Variants in TMEM150C observed in about 807,000 individuals in gnomAD.
TMEM150C encodes transmembrane protein 150C.
A neutral mutation model predicts 29.9 loss-of-function variants in TMEM150C; 10 were observed. The observed-to-expected ratio is 0.33, with a 90% CI of 0.21 to 0.57. The LOEUF is 0.57. TMEM150C is among the 20% of genes least tolerant of loss of function. The probability of loss-of-function intolerance (pLI) is 0.88; values close to 1 mark genes in which losing one functional copy is unlikely to be tolerated. For missense variants in TMEM150C, 251 were observed against 303.6 expected (o/e 0.83, Z 1.29); for synonymous variants, 101 against 112.5 (o/e 0.90, Z 0.64).
Position 82,490,068 on chromosome 4 carries a change from C to G in TMEM150C, c.534G>C (p.Val178=), listed in dbSNP as rs754780051. 6.2e-7 allele frequency: 1 copy of G among 1,613,784 alleles called. No individual in the cohort carries two copies. The change falls in exon 7 of 8, where the codon GTG becomes GTC. Residue 178 remains valine (V), a synonymous_variant. Transcript: ENST00000449862. ...TTCACGTTCAAAGGATACAGAGGACCACACAGAGAGTGATAGATGCCGACA... is the reference window on the plus strand; with the variant it reads ...TTCACGTTCAAAGGATACAGAGGACGACACAGAGAGTGATAGATGCCGACA... ...VILSASITLC[V]VLYFILMAQS... is the part of the protein sequence containing the mutation.
intron 7 of TMEM150C, 49 bp from the exon 8 acceptor site, chr4:82,485,768 T>C (rs962186241): frequency 4.0e-6 from 6 of 1,512,694 alleles, no homozygotes; most frequent in African/African-American, 1.4e-5. Context: ...ACATTAAAAC[T>C]GGAATCTTTT....
At chr4:82,490,285 AAGAC>A (rs1474161538) in intron 6 of TMEM150C, 47 bp from the exon 7 acceptor site, 1 of 1,545,464 alleles carries the variant, frequency 6.5e-7, no homozygotes, top group Non-Finnish European at 8.9e-7. Flanking sequence ...TTCAGCAAAG[AAGAC>A]AGGCAAGTTG....
intron 6 of TMEM150C, chr4:82,495,617 G>A: frequency 2.9e-6 from 1 of 347,600 alleles, no homozygotes; most frequent in South Asian, 2.6e-5. Context: ...TCTTTCTCCA[G>A]CTTTCCTTGG....
At chr4:82,534,982 C>T (rs1724961746) in intron 1 of TMEM150C, among the ~76,000 whole-genome samples, 1 of 152,156 alleles carries the variant, frequency 6.6e-6, no homozygotes, top group African/African-American at 2.4e-5. Flanking sequence ...ATAAACAGCA[C>T]CAAGACAGAC....
intron 6 of TMEM150C, among the ~76,000 whole-genome samples, chr4:82,491,868 T>G (rs1415547329): frequency 6.6e-6 from 1 of 151,744 alleles, no homozygotes; most frequent in African/African-American, 2.4e-5. Flanking sequence ...CACAGACAAC[T>G]AAAACCCTTT....
At chr4:82,507,910 C>T (rs1201311427) in intron 1 of TMEM150C, among the ~76,000 whole-genome samples, 1 of 151,700 alleles carries the variant, frequency 6.6e-6, no homozygotes, top group Admixed American at 6.6e-5. Context: ...CCACACCTGG[C>T]TAATTTTTTG....
chr4:82,485,473 T>C lies in TMEM150C; in HGVS notation c.*38A>G. On this transcript the variant is annotated 3_prime_UTR_variant, in exon 8 of 8. Coordinates refer to ENST00000449862, the MANE Select transcript of TMEM150C (RefSeq NM_001080506.3). ...TGTGTCCTACTGGCCCCTCCCCCAC[T>C]GTCACACCCACCTCACCAGCAAGGA... The C allele has an allele frequency of 6.5e-7, 1 of 1,530,356 alleles. No homozygotes were observed. The highest frequency in any genetic ancestry group is 2.4e-5 in the East Asian group (1 of 41,824). The allele number at this position is 1,530,356 out of a possible 1,614,324, so 94.8% of individuals were successfully genotyped here.
intron 1 of TMEM150C, among the ~76,000 whole-genome samples, chr4:82,550,664 C>T (rs61053249): frequency 0.011 from 1,608 of 152,108 alleles, 24 homozygotes; most frequent in African/African-American, 0.036. Flanking sequence ...TGGCGGGCAC[C>T]GGTAGTCCCA....
chr4:82,485,843 C>A, intron 7 of TMEM150C, 124 bp from the exon 8 acceptor site: 1 of 811,962 alleles, frequency 1.2e-6, no homozygotes, highest in Non-Finnish European at 1.9e-6. Context: ...TGGTAGCCTG[C>A]TAGAGCTTGT....
At chr4:82,542,944 T>G (rs1427639492) in intron 1 of TMEM150C, among the ~76,000 whole-genome samples, 3 of 152,208 alleles carry the variant, frequency 2.0e-5, no homozygotes, top group Non-Finnish European at 4.4e-5. Flanking sequence ...CATATTACCT[T>G]TATGTGAATA....
intron 1 of TMEM150C, among the ~76,000 whole-genome samples, chr4:82,513,637 G>A (rs918330031): frequency 3.9e-5 from 6 of 152,152 alleles, no homozygotes; most frequent in Non-Finnish European, 8.8e-5. Context: ...TACCCGGACT[G>A]ATTTGCAAAG....
At chr4:82,557,532 T>C (rs1240476188) in intron 1 of TMEM150C, among the ~76,000 whole-genome samples, 2 of 152,082 alleles carry the variant, frequency 1.3e-5, no homozygotes, top group Non-Finnish European at 2.9e-5. Context: ...ACATGATCTG[T>C]AATGTGCAAA....
intron 5 of TMEM150C, among the ~76,000 whole-genome samples, chr4:82,497,482 G>T (rs926516259): frequency 6.6e-6 from 1 of 152,160 alleles, no homozygotes; most frequent in African/African-American, 2.4e-5. Context: ...AAATTTCATA[G>T]TGTAACCCTA....
chr4:82,484,060 G>A lies in TMEM150C; in HGVS notation c.*1451C>T, dbSNP rs570274945. ...GCCCGCCTCAGCCTCCCAAAGTGCT[G>A]GGATTACAGGTGTGAGCCCCACACC... On this transcript the variant is annotated 3_prime_UTR_variant, in exon 8 of 8. Coordinates refer to ENST00000449862, the MANE Select transcript of TMEM150C (RefSeq NM_001080506.3). 68 of 152,206 alleles carry A rather than the reference G, an allele frequency of 4.5e-4. No individual in the cohort carries two copies. Among genetic ancestry groups the A allele is most frequent in the African/African-American group, 1.4e-3 (60 of 41,508 alleles). The allele number at this position is 152,206 out of a possible 1,614,324, so 9.4% of individuals were successfully genotyped here. A position where few individuals can be genotyped will look rare whatever the true frequency, so the allele number is the denominator to read the frequency against.
At chr4:82,543,106 A>C (rs1725245201) in intron 1 of TMEM150C, among the ~76,000 whole-genome samples, 1 of 152,154 alleles carries the variant, frequency 6.6e-6, no homozygotes, top group Non-Finnish European at 1.5e-5. Flanking sequence ...GTCCAACATC[A>C]CGTTGCTGGG....
At chr4:82,542,720 G>A (rs1484194712) in intron 1 of TMEM150C, among the ~76,000 whole-genome samples, 1 of 152,172 alleles carries the variant, frequency 6.6e-6, no homozygotes, top group Non-Finnish European at 1.5e-5. Flanking sequence ...AGAGTTCCAG[G>A]CAGGTCAGTT....
chr4:82,493,740 C>T (rs929284869), intron 6 of TMEM150C, among the ~76,000 whole-genome samples: 2 of 152,204 alleles, frequency 1.3e-5, no homozygotes, highest in African/African-American at 2.4e-5. Context: ...GAAAGACTCC[C>T]AACAAAATTT....
intron 2 of TMEM150C, among the ~76,000 whole-genome samples, chr4:82,504,365 G>A (rs1723833181): frequency 6.6e-6 from 1 of 151,996 alleles, no homozygotes; most frequent in Non-Finnish European, 1.5e-5. Context: ...CATCACACCC[G>A]GCTAACTTCT....
At chr4:82,533,007 T>C (rs1724897128) in intron 1 of TMEM150C, among the ~76,000 whole-genome samples, 1 of 152,146 alleles carries the variant, frequency 6.6e-6, no homozygotes, top group Non-Finnish European at 1.5e-5. Flanking sequence ...GGATTACAGG[T>C]GTGAGCCACT....
Sources: gnomAD v4.1 joint callset for allele counts (sites outside exome capture counted in the v4.1 genomes callset) on GRCh38, gnomAD v4.1.1 for gene constraint, MANE v1.5 for transcripts, NCBI Gene and HGNC (gene_info 2026-07-23, HGNC 2026-07-21) for gene names.